KLHL24: variants seen among roughly 807,000 people sequenced by gnomAD.
KLHL24 encodes the protein kelch-like protein 24.
KLHL24 carries 29 observed loss-of-function variants against 53.4 expected under a neutral mutation model. The observed-to-expected ratio is 0.54, with a 90% CI of 0.40 to 0.74. The LOEUF (loss-of-function observed/expected upper bound fraction) is 0.74, where lower values mean the gene tolerates loss of function less well. Ranked by LOEUF, KLHL24 falls within the 30% of genes least tolerant of loss-of-function variation. The pLI is 0.00. For synonymous variants in KLHL24, 222 were observed against 253.7 expected (o/e 0.88, Z 1.19); for missense variants, 504 against 744.0 (o/e 0.68, Z 3.75).
rs746078664 is a variant in KLHL24, at chr3:183,650,851, T to C, written c.495T>C (p.Pro165=). 1.1e-5 allele frequency: 18 copies of C among 1,614,154 alleles called. No individual in the cohort carries two copies. The highest frequency in any genetic ancestry group is 2.2e-5 in the South Asian group (2 of 91,088). The stretch of plus-strand genomic sequence containing the variant: ...AGTTCTTGGAGGAGCAACTTGATCC[T>C]TGTAATTGCTTAGGAATCCAGCGCT... ...CAKFLEEQLD[P]CNCLGIQRFA... is the part of the protein sequence containing the mutation. The change falls in exon 3 of 8, where the codon CCT becomes CCC. Residue 165 remains proline, a synonymous_variant. Transcript: ENST00000242810. This position sits in a 1 kb window ranked among gnomAD's most constrained non-coding sequence, Gnocchi z 4.5.
intron 3 of KLHL24, 72 bp downstream of exon 3, chr3:183,651,348 C>G: frequency 2.8e-6 from 3 of 1,060,210 alleles, no homozygotes; most frequent in Non-Finnish European, 4.1e-6. Flanking sequence ...AATGCAATCT[C>G]AGTGTTGTCA....
At chr3:183,670,046 T>C (rs540963779) in intron 5 of KLHL24, among the ~76,000 whole-genome samples, 1 of 152,262 alleles carries the variant, frequency 6.6e-6, no homozygotes, top group South Asian at 2.1e-4. Flanking sequence ...GAGAATGGCT[T>C]GAGGCCGAGA....
rs184247762 is a variant in KLHL24 at position 183,647,330 on chromosome 3, C to T, written c.-61-2966C>T. Among the ~76,000 whole-genome samples the T allele has an allele frequency of 8.1e-3, 1,237 of 152,122 alleles. 15 individuals carry two copies. Among genetic ancestry groups the T allele is most frequent in the African/African-American group, 0.028 (1,173 of 41,516 alleles). Reference sequence around the variant, plus strand: ...ACTCAGGAGGCTGAGGCAGGAGAATCGCTTGAACCTGGGAGGTGGAGGTTG... The same window carrying T: ...ACTCAGGAGGCTGAGGCAGGAGAATTGCTTGAACCTGGGAGGTGGAGGTTG... On this transcript the variant is annotated intron_variant, in intron 2 of 7. Coordinates refer to ENST00000242810, the MANE Select transcript of KLHL24 (RefSeq NM_017644.3).
chr3:183,637,294 T>A (rs1715455817), intron 1 of KLHL24, among the ~76,000 whole-genome samples: 1 of 152,190 alleles, frequency 6.6e-6, no homozygotes, highest in Non-Finnish European at 1.5e-5. Context: ...TGGCTGAGAT[T>A]TAAAAGCAGA....
chr3:183,661,215 A>G (rs1403505454), intron 3 of KLHL24, among the ~76,000 whole-genome samples: 3 of 151,564 alleles, frequency 2.0e-5, no homozygotes, highest in Admixed American at 6.6e-5. Flanking sequence ...AGCCTTGGCA[A>G]TAGAGTAAGA....
chr3:183,647,293 G>C (rs550210759), intron 2 of KLHL24, among the ~76,000 whole-genome samples: 2 of 152,194 alleles, frequency 1.3e-5, no homozygotes, highest in African/African-American at 4.8e-5. Context: ...GTGCACGCCT[G>C]TAGTTCCAGT....
In KLHL24 at chr3:183,650,278, T is replaced by C. The variant is rs1717946693; in HGVS notation, c.-61-18T>C. The C allele has an allele frequency of 8.8e-7, 1 of 1,135,004 alleles. No individual in the cohort carries two copies. Among genetic ancestry groups the C allele is most frequent in the East Asian group, 2.4e-5 (1 of 40,966 alleles). 70.3% of individuals were successfully genotyped at this position (1,135,004 alleles called of 1,614,324 possible). A position where few individuals can be genotyped will look rare whatever the true frequency, so the allele number is the denominator to read the frequency against. Reference sequence around the variant, plus strand: ...GAATTTTTTGCATATTGAAATGTTTTCCTTTTTTTACTTTTAGCCACATAA... The same window carrying C: ...GAATTTTTTGCATATTGAAATGTTTCCCTTTTTTTACTTTTAGCCACATAA... On this transcript the variant is annotated intron_variant, in intron 2 of 7. Coordinates refer to ENST00000242810, the MANE Select transcript of KLHL24 (RefSeq NM_017644.3). This position sits in a 1 kb window ranked among gnomAD's most constrained non-coding sequence, Gnocchi z 4.5.
intron 3 of KLHL24, among the ~76,000 whole-genome samples, chr3:183,658,088 C>T (rs1719167649): frequency 6.6e-6 from 1 of 151,892 alleles, no homozygotes; most frequent in Non-Finnish European, 1.5e-5. Context: ...TGGTGGACAC[C>T]TGTAATCACA....
Position 183,679,561 on chromosome 3 carries a change from A to G in KLHL24, c.*275A>G. The G allele has an allele frequency of 5.5e-6, 2 of 362,648 alleles. No individual in the cohort carries two copies. Among genetic ancestry groups the G allele is most frequent in the Non-Finnish European group, 1.0e-5 (2 of 198,866 alleles). The allele number at this position is 362,648 out of a possible 1,614,324, so 22.5% of individuals were successfully genotyped here. ...AAGTATTTGTAAGAAGTCTATGTGA[A>G]TTAGGAAATGTCTGTCTGCATACCT... On this transcript the variant is annotated 3_prime_UTR_variant, in exon 8 of 8. Coordinates refer to ENST00000242810, the MANE Select transcript of KLHL24 (RefSeq NM_017644.3).
chr3:183,679,468 G>GA lies in KLHL24; in HGVS notation c.*192dup, dbSNP rs889354945. The GA allele has an allele frequency of 0.02, 9,479 of 481,690 alleles. No homozygotes were observed. Among genetic ancestry groups the GA allele is most frequent in the Middle Eastern group, 0.025 (44 of 1,770 alleles). 29.8% of individuals were successfully genotyped at this position (481,690 alleles called of 1,614,324 possible). On this transcript the variant is annotated 3_prime_UTR_variant, in exon 8 of 8. Transcript: ENST00000242810. The stretch of plus-strand genomic sequence containing the variant: ...CTATAATAAAGCCTTTCCTATAATT[G>GA]AAAAAAAAAACTTTTTTGTTAAAGG...
At chr3:183,664,206 C>T (rs1720207620) in intron 4 of KLHL24, 1 of 152,200 alleles carries the variant, frequency 6.6e-6, no homozygotes, top group Non-Finnish European at 1.5e-5. Flanking sequence ...ATTTTAAATG[C>T]TCTCAAATGC....
intron 3 of KLHL24, among the ~76,000 whole-genome samples, chr3:183,658,220 A>G (rs1012950184): frequency 2.6e-4 from 39 of 152,014 alleles, no homozygotes; most frequent in African/African-American, 9.2e-4. Context: ...CTCAAAAAAA[A>G]AAAAAAAATT....
chr3:183,678,575 T>C (rs1576993936), intron 7 of KLHL24, among the ~76,000 whole-genome samples: 1 of 152,152 alleles, frequency 6.6e-6, no homozygotes, highest in South Asian at 2.1e-4. Context: ...GTTACATAGG[T>C]ACACTGTGTC....
chr3:183,661,084 A>AAG, intron 3 of KLHL24, among the ~76,000 whole-genome samples: 1 of 69,292 alleles, frequency 1.4e-5, no homozygotes, highest in Admixed American at 1.4e-4. Context: ...AAAAAAAAAA[A>AAG]AAATTCACTA....
chr3:183,661,107 T>C (rs991398451), intron 3 of KLHL24, among the ~76,000 whole-genome samples: 2 of 112,236 alleles, frequency 1.8e-5, no homozygotes, highest in Non-Finnish European at 3.6e-5. Flanking sequence ...TGTGGTGGCA[T>C]GTGCCTGTAG....
rs752733228 is a variant in KLHL24, at chr3:183,650,326, C to T, written c.-31C>T. 5 of 1,541,138 alleles carry T rather than the reference C, an allele frequency of 3.2e-6. No homozygotes were observed. In the East Asian group the frequency reaches 9.1e-5, roughly 28 times the overall value. ...TAAAGAAGATCCCTAATAGTCATTT[C>T]TCAACAATTATATAGTCAACTGATG... On this transcript the variant is annotated 5_prime_UTR_variant, in exon 3 of 8. Coordinates refer to ENST00000242810, the MANE Select transcript of KLHL24 (RefSeq NM_017644.3). The surrounding 1 kb of genome is among the most constrained non-coding windows in gnomAD (Gnocchi z 4.5).
At chr3:183,649,324 C>T (rs1717783708) in intron 2 of KLHL24, among the ~76,000 whole-genome samples, 2 of 151,978 alleles carry the variant, frequency 1.3e-5, no homozygotes, top group African/African-American at 4.8e-5. Context: ...TTACTACTTC[C>T]CCATGTCGTT....
At chr3:183,653,050 A>G (rs1178024307) in intron 3 of KLHL24, among the ~76,000 whole-genome samples, 2 of 152,202 alleles carry the variant, frequency 1.3e-5, no homozygotes, top group East Asian at 3.8e-4. Flanking sequence ...ACTTCTCCTA[A>G]CTTACTTAAT....
intron 3 of KLHL24, among the ~76,000 whole-genome samples, chr3:183,659,515 G>C (rs776856211): frequency 2.0e-4 from 31 of 152,234 alleles, no homozygotes; most frequent in Admixed American, 4.6e-4. Context: ...TTGAGCAACA[G>C]AGTGAGACTC....
Sources: allele counts gnomAD v4.1 joint callset (sites outside exome capture counted in the v4.1 genomes callset), GRCh38; gene constraint gnomAD v4.1.1; non-coding constraint Gnocchi (gnomAD v3.1); transcripts MANE v1.5; gene names NCBI Gene and HGNC (gene_info 2026-07-23, HGNC 2026-07-21).